Variants in ERBIN observed in about 807,000 individuals in gnomAD.
ERBIN encodes the protein erbb2 interacting protein, also known as densin-180-like protein.
ERBIN carries 60 observed loss-of-function variants against 158.4 expected under a neutral mutation model. The observed-to-expected ratio is 0.38, with a 90% CI of 0.31 to 0.47. The LOEUF is 0.47. ERBIN is among the 20% of genes least tolerant of loss of function. The pLI, the probability that ERBIN is intolerant of heterozygous loss-of-function variation, is 0.99. For missense variants in ERBIN, 1,610 were observed against 1,648.0 expected (o/e 0.98, Z 0.40); for synonymous variants, 594 against 557.2 (o/e 1.07, Z -0.93).
intron 21 of ERBIN, among the ~76,000 whole-genome samples, chr5:66,061,618 G>C (rs1201981540): frequency 2.6e-5 from 4 of 152,168 alleles, no homozygotes; most frequent in African/African-American, 9.7e-5. Flanking sequence ...CTCATTAGTT[G>C]ATGCAGTTTC....
chr5:66,013,771 T>C, intron 6 of ERBIN, 133 bp downstream of exon 6: 2 of 573,136 alleles, frequency 3.5e-6, no homozygotes, highest in Non-Finnish European at 6.1e-6. Context: ...CATTGTGACT[T>C]TTATACTTTG....
chr5:66,038,288 T>C (rs1757587263), intron 14 of ERBIN, 95 bp from the exon 15 acceptor site: 11 of 680,914 alleles, frequency 1.6e-5, no homozygotes, highest in Non-Finnish European at 2.7e-5. Flanking sequence ...ATTGATACTT[T>C]ATAGAAAAAG....
intron 1 of ERBIN, among the ~76,000 whole-genome samples, chr5:65,982,704 T>C (rs889549991): frequency 2.6e-5 from 4 of 152,322 alleles, no homozygotes; most frequent in Admixed American, 2.6e-4. Context: ...TTGGTGAGAA[T>C]GTAATTGGAA....
chr5:66,072,396 G>T, intron 22 of ERBIN, 105 bp downstream of exon 22: 1 of 1,146,616 alleles, frequency 8.7e-7, no homozygotes, highest in Non-Finnish European at 1.2e-6. Flanking sequence ...TTTTTTGAGG[G>T]CTTTCCCCCC....
chr5:66,034,184 G>A (rs1757164692), intron 14 of ERBIN, among the ~76,000 whole-genome samples: 1 of 151,862 alleles, frequency 6.6e-6, no homozygotes, highest in Admixed American at 6.6e-5. Context: ...AGCTATGACA[G>A]GAATTCTTAA....
intron 4 of ERBIN, among the ~76,000 whole-genome samples, chr5:66,001,121 A>C (rs1436383063): frequency 2.0e-5 from 3 of 152,156 alleles, no homozygotes; most frequent in African/African-American, 7.2e-5. Context: ...GCTTAAAAGA[A>C]AGGTTAGTAC....
At chr5:65,949,213 G>C (rs1746199224) in intron 1 of ERBIN, among the ~76,000 whole-genome samples, 1 of 152,086 alleles carries the variant, frequency 6.6e-6, no homozygotes, top group South Asian at 2.1e-4. Context: ...AGTTTATTCA[G>C]GAGTCAGGTA....
intron 10 of ERBIN, 101 bp from the exon 11 acceptor site, chr5:66,025,379 G>A: frequency 1.2e-6 from 1 of 864,320 alleles, no homozygotes; most frequent in South Asian, 1.4e-5. Flanking sequence ...TAGGAAAGTT[G>A]TTTCTAATTC....
chr5:66,082,275 G>C lies in ERBIN; in HGVS notation c.*3745G>C, dbSNP rs948894101. On this transcript the variant is annotated 3_prime_UTR_variant, in exon 26 of 26. Transcript: ENST00000284037. ...AGAACAACCTAGGTTTTATTGTAGA[G>C]AACAATCAAAATACTCCTGAACCTT... is the stretch of plus-strand genomic sequence containing the variant. The C allele has an allele frequency of 5.9e-5, 9 of 152,102 alleles. No homozygotes were observed. The highest frequency in any genetic ancestry group is 2.2e-4 in the African/African-American group (9 of 41,396). 9.4% of individuals were successfully genotyped at this position (152,102 alleles called of 1,614,324 possible).
chr5:65,944,189 A>G (rs893319085), intron 1 of ERBIN, among the ~76,000 whole-genome samples: 2 of 146,422 alleles, frequency 1.4e-5, no homozygotes, highest in African/African-American at 5.1e-5. Flanking sequence ...CTCATATGGT[A>G]ATTCTGTGTT....
At position 66,077,387 on chromosome 5, in the gene ERBIN, AC is replaced by A. The variant is rs547943909; in HGVS notation, c.4131+439del. 2.0e-3 allele frequency among the ~76,000 whole-genome samples: 299 copies of A among 152,166 alleles called. 1 individual carries two copies. The highest frequency in any genetic ancestry group is 6.8e-3 in the Middle Eastern group (2 of 292). ...AAACACTTACAGTCTTAGAAGGAAG[AC>A]AAACCTAGGACACAAGTATAGCTCT... On this transcript the variant is annotated intron_variant, in intron 25 of 25. Transcript: ENST00000284037.
intron 1 of ERBIN, among the ~76,000 whole-genome samples, chr5:65,966,777 G>T (rs549902398): frequency 1.3e-5 from 2 of 151,462 alleles, no homozygotes; most frequent in East Asian, 3.9e-4. Context: ...TGTTATCATA[G>T]GAGATGACAG....
chr5:65,958,532 A>G (rs1038612764), intron 1 of ERBIN, among the ~76,000 whole-genome samples: 8 of 152,048 alleles, frequency 5.3e-5, no homozygotes, highest in African/African-American at 1.9e-4. Context: ...GAGGCAGGAG[A>G]ATCAGGCAGG....
At position 66,053,463 on chromosome 5, in the gene ERBIN, A is replaced by T. The variant is rs1759252266; in HGVS notation, c.2145A>T (p.Ser715=). 1 of 1,593,566 alleles carries T rather than the reference A, an allele frequency of 6.3e-7. No individual in the cohort carries two copies. Among genetic ancestry groups the T allele is most frequent in the African/African-American group, 1.4e-5 (1 of 73,390 alleles). The change falls in exon 21 of 26, where the codon TCA becomes TCT. Residue 715 remains serine, a synonymous_variant. Coordinates refer to ENST00000284037, the MANE Select transcript of ERBIN (RefSeq NM_001253697.2). ...LLQNGDILNS[S]TEEKFKAHDK... ...AAAATGGAGATATTTTAAACAGTTC[A>T]ACAGAGGAAAAGTTCAAAGCTCATG...
At chr5:65,929,778 T>G (rs577139233) in intron 1 of ERBIN, among the ~76,000 whole-genome samples, 1 of 152,134 alleles carries the variant, frequency 6.6e-6, no homozygotes, top group Non-Finnish European at 1.5e-5. Flanking sequence ...GTAGCTGGGA[T>G]TACAAGCGCA....
chr5:66,023,973 A>T (rs1755973878), intron 9 of ERBIN, among the ~76,000 whole-genome samples: 1 of 152,102 alleles, frequency 6.6e-6, no homozygotes, highest in Admixed American at 6.6e-5. Flanking sequence ...CACCGCGCCC[A>T]GCCGAACTTT....
chr5:66,057,182 T>C (rs1298255781), intron 21 of ERBIN, among the ~76,000 whole-genome samples: 2 of 152,364 alleles, frequency 1.3e-5, no homozygotes, highest in South Asian at 2.1e-4. Context: ...CTAGCTGTGC[T>C]GCTCAGTTAG....
At chr5:66,031,221 AAAT>A (rs1464806752) in intron 14 of ERBIN, among the ~76,000 whole-genome samples, 27 of 152,244 alleles carry the variant, frequency 1.8e-4, no homozygotes, top group Non-Finnish European at 8.8e-5. Context: ...ATGTTTATGA[AAAT>A]AAATTGCTCA....
chr5:66,072,278 A>G lies in ERBIN; in HGVS notation c.3743A>G (p.Asp1248Gly), dbSNP rs1348263519. The G allele has an allele frequency of 2.6e-6, 4 of 1,550,190 alleles. No individual in the cohort carries two copies. The highest frequency in any genetic ancestry group is 1.4e-5 in the African/African-American group (1 of 73,162). ...ATLSHKDVPP[D>G]SLMKMPLSNG... is the part of the protein sequence containing the mutation. ...CTTAGTCACAAAGATGTTCCTCCAG[A>G]CAGCTTGATGAAAGTGGGTGCTCGG... Residue 1248 changes from aspartate to glycine, a missense_variant, in exon 22 of 26, where the codon GAC becomes GGC. Coordinates refer to ENST00000284037, the MANE Select transcript of ERBIN (RefSeq NM_001253697.2).
Sources: allele counts gnomAD v4.1 joint callset (sites outside exome capture counted in the v4.1 genomes callset), GRCh38; gene constraint gnomAD v4.1.1; transcripts MANE v1.5; gene names NCBI Gene and HGNC (gene_info 2026-07-23, HGNC 2026-07-21).